The following ITSN1 variants were observed in gnomAD, a reference collection of about 807,000 sequenced individuals.
ITSN1 encodes the protein intersectin-1.
Under a neutral mutation model 239.8 loss-of-function variants are expected in ITSN1, and 58 were observed. The ratio of observed to expected loss-of-function variants is 0.24; its 90% confidence interval spans 0.20 to 0.30. The LOEUF (loss-of-function observed/expected upper bound fraction) is 0.30. Ranked by LOEUF, ITSN1 falls within the 10% of genes least tolerant of loss-of-function variation. The pLI is 1.00. For synonymous variants in ITSN1, 780 were observed against 770.8 expected (o/e 1.01, Z -0.20); for missense variants, 1,558 against 2,103.3 (o/e 0.74, Z 5.07).
At chr21:33,874,730 C>T (rs1983417681) in intron 33 of ITSN1, among the ~76,000 whole-genome samples, 2 of 149,458 alleles carry the variant, frequency 1.3e-5, no homozygotes, top group African/African-American at 5.0e-5. Context: ...CTCACTACAA[C>T]CTCTGCCTCC....
intron 1 of ITSN1, among the ~76,000 whole-genome samples, chr21:33,671,791 CAAATAAAT>C (rs376876540): frequency 3.3e-5 from 5 of 151,694 alleles, no homozygotes; most frequent in African/African-American, 9.7e-5. Context: ...GACTCCGTCT[CAAATAAAT>C]AAATAAATAA....
intron 11 of ITSN1, among the ~76,000 whole-genome samples, chr21:33,769,124 C>T (rs2068932979): frequency 6.6e-6 from 1 of 152,092 alleles, no homozygotes; most frequent in African/African-American, 2.4e-5. Context: ...TGAATAGGGT[C>T]ACCACAAGTG....
At chr21:33,676,005 A>G (rs1601577716) in intron 1 of ITSN1, among the ~76,000 whole-genome samples, 1 of 151,424 alleles carries the variant, frequency 6.6e-6, no homozygotes, top group East Asian at 1.9e-4. Flanking sequence ...GTTTCATAGA[A>G]GTGCCATCCA....
intron 8 of ITSN1, 150 bp downstream of exon 8, chr21:33,755,547 A>G (rs2067848787): frequency 1.7e-6 from 1 of 576,590 alleles, no homozygotes; most frequent in Non-Finnish European, 3.0e-6. Flanking sequence ...TTATCCACTG[A>G]TAACTCTTTA....
At chr21:33,828,085 G>A (rs1320961854) in intron 26 of ITSN1, among the ~76,000 whole-genome samples, 1 of 152,200 alleles carries the variant, frequency 6.6e-6, no homozygotes, top group African/African-American at 2.4e-5. Context: ...CATTCCAGAG[G>A]GTCCAGATAT....
At chr21:33,669,528 C>T (rs1042580551) in intron 1 of ITSN1, among the ~76,000 whole-genome samples, 2 of 151,982 alleles carry the variant, frequency 1.3e-5, no homozygotes, top group African/African-American at 2.4e-5. Context: ...CAACCTCCGC[C>T]TCCCGGGTTC....
chr21:33,878,002 C>G (rs1211123898), intron 34 of ITSN1, among the ~76,000 whole-genome samples: 1 of 122,240 alleles, frequency 8.2e-6, no homozygotes, highest in Non-Finnish European at 1.7e-5. Context: ...CTCTTTCTCT[C>G]TCTCTTTGTG....
At chr21:33,787,866 C>T (rs912170696) in intron 16 of ITSN1, among the ~76,000 whole-genome samples, 1 of 152,096 alleles carries the variant, frequency 6.6e-6, no homozygotes, top group Non-Finnish European at 1.5e-5. Context: ...TTTATTTTTA[C>T]CTATATGATC....
At chr21:33,823,778 G>C in intron 25 of ITSN1, 125 bp downstream of exon 25, 2 of 852,622 alleles carry the variant, frequency 2.3e-6, no homozygotes, top group Non-Finnish European at 3.7e-6. Context: ...AGTAAATCCA[G>C]TGTGACCTGT....
Position 33,865,306 on chromosome 21 carries a change from A to G in ITSN1, c.4046A>G (p.Glu1349Gly), listed in dbSNP as rs1303993322. ...GCCCTGATCCAGCAGAAGACGGATG[A>G]GGCCCCAGACTTCAAGGAGTTCGTC... is the stretch of plus-strand genomic sequence containing the variant. Reference protein sequence around the residue: ...GAALIQQKTDEAPDFKEFVKR... With the variant: ...GAALIQQKTDGAPDFKEFVKR... The change falls in exon 32 of 40, where the codon GAG (glutamate) becomes GGG (glycine). Residue 1349 changes from glutamate (E) to glycine (G), a missense_variant. This residue lies in a region of ITSN1 where 576 missense variants were observed against 893.3 expected (regional missense o/e 0.64). Coordinates refer to ENST00000381318, the MANE Select transcript of ITSN1 (RefSeq NM_003024.3). The surrounding 1 kb of genome is among the most constrained non-coding windows in gnomAD (Gnocchi z 4.4). The G allele has an allele frequency of 6.3e-7, 1 of 1,577,108 alleles. No individual in the cohort carries two copies.
chr21:33,721,185 G>T lies in ITSN1; in HGVS notation c.36G>T (p.Leu12=). 1.2e-6 allele frequency: 2 copies of T among 1,611,878 alleles called. No homozygotes were observed. The highest frequency in any genetic ancestry group is 4.5e-5 in the East Asian group (2 of 44,844). ...AQFPTPFGGS[L]DIWAITVEER... is the part of the protein sequence containing the mutation. Reference sequence around the variant, plus strand: ...CTTTTCTTTGGATTTTAGGCAGCCTGGATATCTGGGCCATAACTGTAGAGG... The same window carrying T: ...CTTTTCTTTGGATTTTAGGCAGCCTTGATATCTGGGCCATAACTGTAGAGG... The change falls in exon 3 of 40, where the codon CTG becomes CTT. Residue 12 remains leucine (L), a synonymous_variant. Coordinates refer to ENST00000381318, the MANE Select transcript of ITSN1 (RefSeq NM_003024.3).
chr21:33,726,762 TC>T (rs1282430366), intron 4 of ITSN1, among the ~76,000 whole-genome samples: 4 of 152,208 alleles, frequency 2.6e-5, no homozygotes, highest in African/African-American at 9.7e-5. Context: ...ATTCAAGCCG[TC>T]TGCCCGCCTC....
intron 18 of ITSN1, among the ~76,000 whole-genome samples, chr21:33,798,927 T>TAA (rs2071767426): frequency 6.6e-6 from 1 of 152,180 alleles, no homozygotes; most frequent in South Asian, 2.1e-4. Context: ...TCTTAGGAAG[T>TAA]TAGTTTAAGT....
At chr21:33,779,189 TTTTCTC>T (rs1439600884) in intron 14 of ITSN1, among the ~76,000 whole-genome samples, 1 of 152,048 alleles carries the variant, frequency 6.6e-6, no homozygotes, top group Non-Finnish European at 1.5e-5. Flanking sequence ...TTTTTGTTCT[TTTTCTC>T]TTGTTTCTTC....
intron 1 of ITSN1, among the ~76,000 whole-genome samples, chr21:33,705,278 A>G (rs2092206374): frequency 6.6e-6 from 1 of 152,212 alleles, no homozygotes; most frequent in African/African-American, 2.4e-5. Context: ...ATTAAGGTTT[A>G]TTTTTAAGTA....
chr21:33,719,737 T>G (rs1362385260), intron 2 of ITSN1, among the ~76,000 whole-genome samples: 1 of 152,184 alleles, frequency 6.6e-6, no homozygotes, highest in African/African-American at 2.4e-5. Context: ...AGCATGACAT[T>G]TTTGTTTGTT....
At chr21:33,807,767 T>C (rs887668245) in intron 20 of ITSN1, among the ~76,000 whole-genome samples, 1 of 152,176 alleles carries the variant, frequency 6.6e-6, no homozygotes, top group African/African-American at 2.4e-5. Context: ...AGGGATCCAC[T>C]TGAGCCCCTA....
rs199546978 is a variant in ITSN1, at chr21:33,750,211, G to T, written c.415G>T (p.Val139Phe). 1 of 1,613,996 alleles carries T rather than the reference G, an allele frequency of 6.2e-7. No individual in the cohort carries two copies. Among genetic ancestry groups the T allele is most frequent in the Non-Finnish European group, 8.5e-7 (1 of 1,179,912 alleles). The change falls in exon 6 of 40, where the codon GTT (valine) becomes TTT (phenylalanine). Residue 139 changes from valine (V) to phenylalanine (F), a missense_variant. Val to Phe is a conservative substitution (Grantham distance 50, BLOSUM62 -1). Coordinates refer to ENST00000381318, the MANE Select transcript of ITSN1 (RefSeq NM_003024.3). ...TCCAGTGCCAATGGGATCCATTCCA[G>T]TTGTTGGAATGTCTCCAACCCTAGT... Reference protein sequence around the residue: ...VAPVPMGSIPVVGMSPTLVSS... With the variant: ...VAPVPMGSIPFVGMSPTLVSS...
intron 29 of ITSN1, among the ~76,000 whole-genome samples, chr21:33,851,649 T>C (rs1377824963): frequency 6.6e-6 from 1 of 151,712 alleles, no homozygotes; most frequent in Non-Finnish European, 1.5e-5. Context: ...TCCACCTGCC[T>C]CAGCCTCCCA....
Sources: gnomAD v4.1 joint callset for allele counts (sites outside exome capture counted in the v4.1 genomes callset) on GRCh38, gnomAD v4.1.1 for gene constraint, gnomAD v4.1.1 regional missense constraint, Gnocchi (gnomAD v3.1) non-coding constraint, MANE v1.5 for transcripts, NCBI Gene and HGNC (gene_info 2026-07-23, HGNC 2026-07-21) for gene names.